ADAMTSL1: variants seen among roughly 807,000 people sequenced by gnomAD.
ADAMTSL1 encodes the protein ADAMTS-like protein 1.
A neutral mutation model predicts 201.8 loss-of-function variants in ADAMTSL1; 126 were observed. That is an observed-to-expected ratio of 0.62 (90% CI 0.54 to 0.72). The LOEUF (loss-of-function observed/expected upper bound fraction) is 0.72. ADAMTSL1 is among the 30% of genes least tolerant of loss of function. The pLI is 0.00. For synonymous variants in ADAMTSL1, 1,121 were observed against 903.4 expected, an observed-to-expected ratio of 1.24 and a Z score of -4.32; for missense variants, 2,679 against 2,277.8, an observed-to-expected ratio of 1.18 and a Z score of -3.59.
chr9:18,650,293 T>G (rs1461549910), intron 7 of ADAMTSL1, among the ~76,000 whole-genome samples: 1 of 152,198 alleles, frequency 6.6e-6, no homozygotes, highest in Non-Finnish European at 1.5e-5. Flanking sequence ...GTGCCGTCTG[T>G]CACCCCTTTC....
chr9:18,381,461 T>C (rs998237769), intron 2 of ADAMTSL1, among the ~76,000 whole-genome samples: 2 of 152,182 alleles, frequency 1.3e-5, no homozygotes, highest in Non-Finnish European at 2.9e-5. Flanking sequence ...AAGTTAAGGT[T>C]CTTGCCCAAG....
chr9:18,474,140 G>A (rs1821332312), upstream of ADAMTSL1: 1 of 1,160,296 alleles, frequency 8.6e-7, no homozygotes, highest in South Asian at 1.3e-5. Flanking sequence ...GGCAGGACTG[G>A]AGTGTTAGCA....
intron 26 of ADAMTSL1, among the ~76,000 whole-genome samples, chr9:18,899,265 G>A (rs538050176): frequency 1.3e-5 from 2 of 152,286 alleles, no homozygotes; most frequent in African/African-American, 4.8e-5. Flanking sequence ...TCTTCAAGGA[G>A]ATCTACAAAC....
intron 5 of ADAMTSL1, among the ~76,000 whole-genome samples, chr9:18,631,267 A>AG (rs1200577211): frequency 3.9e-5 from 6 of 152,186 alleles, no homozygotes; most frequent in Non-Finnish European, 7.4e-5. Flanking sequence ...GGGAATGAGG[A>AG]GGGCATCTTG....
At chr9:18,818,895 C>G (rs996543470) in intron 21 of ADAMTSL1, among the ~76,000 whole-genome samples, 2 of 152,136 alleles carry the variant, frequency 1.3e-5, no homozygotes, top group African/African-American at 2.4e-5. Flanking sequence ...TCCCTTCCAG[C>G]CTCATCAGTG....
chr9:18,789,582 G>C (rs573077316), intron 19 of ADAMTSL1, among the ~76,000 whole-genome samples: 2 of 152,326 alleles, frequency 1.3e-5, no homozygotes, highest in East Asian at 3.9e-4. Context: ...ATACTGAAGA[G>C]AGAACTATGA....
chr9:17,982,072 A>G (rs1818729043), intron 1 of ADAMTSL1, among the ~76,000 whole-genome samples: 2 of 152,222 alleles, frequency 1.3e-5, no homozygotes, highest in Admixed American at 6.5e-5. Flanking sequence ...CTACTTGCTT[A>G]AACATTTTCC....
At chr9:18,637,068 A>G (rs1010403212) in intron 6 of ADAMTSL1, among the ~76,000 whole-genome samples, 2 of 152,206 alleles carry the variant, frequency 1.3e-5, no homozygotes, top group Non-Finnish European at 2.9e-5. Flanking sequence ...TAGATATAAA[A>G]ATAAATACAT....
At position 17,944,000 on chromosome 9, in the gene ADAMTSL1, A is replaced by T. The variant is rs142540895; in HGVS notation, c.87+37078A>T. ...AAATAATCAGATCTTGTGAGAATTC[A>T]CTATCACAAAGACAGCACCAAGCCA... On this transcript the variant is annotated intron_variant, in intron 1 of 29. Transcript: ENST00000680146. 2.6e-5 allele frequency among the ~76,000 whole-genome samples: 4 copies of T among 152,122 alleles called. No homozygotes were observed. The East Asian group carries it at 7.7e-4, about 29-fold the overall frequency.
In ADAMTSL1 at chr9:18,910,659, T is replaced by C. The variant is rs765955613; in HGVS notation, c.*2111T>C. On this transcript the variant is annotated 3_prime_UTR_variant, in exon 29 of 29. Coordinates refer to ENST00000380548, the MANE Select transcript of ADAMTSL1 (RefSeq NM_001040272.6). ...TTTCTAGTTCGATAGTGATTGAAAA[T>C]CAGTGGTCACTATTTACATTTCCTA... 3 of 152,214 alleles carry C rather than the reference T, an allele frequency of 2.0e-5. No individual in the cohort carries two copies. Among genetic ancestry groups the C allele is most frequent in the Non-Finnish European group, 4.4e-5 (3 of 68,038 alleles). 9.4% of individuals were successfully genotyped at this position (152,214 alleles called of 1,614,324 possible).
intron 2 of ADAMTSL1, among the ~76,000 whole-genome samples, chr9:18,345,781 G>A (rs1053249251): frequency 6.6e-6 from 1 of 152,060 alleles, no homozygotes; most frequent in Non-Finnish European, 1.5e-5. Flanking sequence ...GCCACCATGG[G>A]GTTCCATAGC....
At chr9:17,923,875 G>A (rs1432789746) in intron 1 of ADAMTSL1, among the ~76,000 whole-genome samples, 1 of 117,830 alleles carries the variant, frequency 8.5e-6, no homozygotes, top group Non-Finnish European at 1.7e-5. Flanking sequence ...TGCATCTATT[G>A]AGATAATCAT....
intron 2 of ADAMTSL1, among the ~76,000 whole-genome samples, chr9:18,318,871 T>G (rs1834512148): frequency 6.6e-6 from 1 of 152,164 alleles, no homozygotes; most frequent in Non-Finnish European, 1.5e-5. Flanking sequence ...AGATATAATT[T>G]TATTTAGTGC....
At chr9:18,035,105 A>C (rs1821135093) in intron 1 of ADAMTSL1, among the ~76,000 whole-genome samples, 1 of 152,216 alleles carries the variant, frequency 6.6e-6, no homozygotes, top group Non-Finnish European at 1.5e-5. Flanking sequence ...TTAATAATTA[A>C]AATTATCTTT....
At chr9:18,687,265 A>G (rs923579748) in intron 13 of ADAMTSL1, among the ~76,000 whole-genome samples, 16 of 152,220 alleles carry the variant, frequency 1.1e-4, no homozygotes, top group Admixed American at 2.0e-4. Context: ...TTGAATTTAA[A>G]AAACATAATG....
intron 4 of ADAMTSL1, among the ~76,000 whole-genome samples, chr9:18,605,168 C>G (rs1824931150): frequency 6.6e-6 from 1 of 152,110 alleles, no homozygotes; most frequent in African/African-American, 2.4e-5. Context: ...AGTGAGATGC[C>G]TCTCTGCAGG....
At chr9:18,286,406 T>C (rs1379033544) in intron 2 of ADAMTSL1, among the ~76,000 whole-genome samples, 1 of 152,098 alleles carries the variant, frequency 6.6e-6, no homozygotes, top group Non-Finnish European at 1.5e-5. Flanking sequence ...CTCCTTTCTA[T>C]TCTTCTTTTT....
chr9:18,153,531 G>T (rs1454541101), intron 1 of ADAMTSL1, among the ~76,000 whole-genome samples: 1 of 152,142 alleles, frequency 6.6e-6, no homozygotes, highest in South Asian at 2.1e-4. Flanking sequence ...AATCTGTGGA[G>T]CTTAAAGCCT....
intron 3 of ADAMTSL1, among the ~76,000 whole-genome samples, chr9:18,570,734 C>G (rs1822244498): frequency 6.6e-6 from 1 of 152,208 alleles, no homozygotes; most frequent in Non-Finnish European, 1.5e-5. Context: ...CAGTTTCCAA[C>G]TCTGAACTCC....
Sources: allele counts gnomAD v4.1 joint callset (sites outside exome capture counted in the v4.1 genomes callset), GRCh38; gene constraint gnomAD v4.1.1; transcripts MANE v1.5; gene names NCBI Gene and HGNC (gene_info 2026-07-23, HGNC 2026-07-21).